Variants in CDH13 observed in about 807,000 individuals in gnomAD.
CDH13 encodes cadherin 13.
CDH13 carries 24 observed loss-of-function variants against 63.8 expected under a neutral mutation model. The observed-to-expected ratio is 0.38, with a 90% CI of 0.27 to 0.53. The LOEUF (loss-of-function observed/expected upper bound fraction) is 0.53, where lower values mean the gene tolerates loss of function less well. Ranked by LOEUF, CDH13 falls within the 20% of genes least tolerant of loss-of-function variation. The probability of loss-of-function intolerance (pLI) is 0.85; values close to 1 mark genes in which losing one functional copy is unlikely to be tolerated. For missense variants in CDH13, 1,049 were observed against 903.1 expected (o/e 1.16, Z -2.07); for synonymous variants, 503 against 355.3 (o/e 1.42, Z -4.67).
At chr16:82,790,443 A>G (rs547499357) in intron 1 of CDH13, among the ~76,000 whole-genome samples, 5 of 152,290 alleles carry the variant, frequency 3.3e-5, no homozygotes, top group African/African-American at 1.2e-4. Context: ...TCAAAAAAGA[A>G]AAACAGAAAA....
rs1317464070 is a variant in CDH13, at chr16:83,795,224, TTTAA to T, written c.*200_*203del. On this transcript the variant is annotated 3_prime_UTR_variant, in exon 14 of 14. Transcript: ENST00000567109. ...ATTTTGACAGCATCTTCCTCCCTCCTTTAATTAATGGAATCTTCTGAATTTTCCC... is the reference window on the plus strand; with the variant it reads ...ATTTTGACAGCATCTTCCTCCCTCCTTTAATGGAATCTTCTGAATTTTCCC... 5 of 536,452 alleles carry T rather than the reference TTTAA, an allele frequency of 9.3e-6. No individual in the cohort carries two copies. The highest frequency in any genetic ancestry group is 1.9e-5 in the African/African-American group (1 of 52,368). The allele number at this position is 536,452 out of a possible 1,614,324, so 33.2% of individuals were successfully genotyped here.
chr16:83,065,330 T>C (rs1043934817), intron 3 of CDH13, among the ~76,000 whole-genome samples: 1 of 152,170 alleles, frequency 6.6e-6, no homozygotes, highest in Admixed American at 6.5e-5. Context: ...TGATCAGCTA[T>C]GTTGAATGCT....
At chr16:83,157,969 G>A (rs1004802586) in intron 4 of CDH13, among the ~76,000 whole-genome samples, 1 of 151,950 alleles carries the variant, frequency 6.6e-6, no homozygotes, top group Non-Finnish European at 1.5e-5. Context: ...AGCTTCCTCA[G>A]ATTGTTCTAG....
At chr16:83,511,385 C>T (rs907232540) in intron 7 of CDH13, among the ~76,000 whole-genome samples, 2 of 151,924 alleles carry the variant, frequency 1.3e-5, no homozygotes, top group African/African-American at 4.8e-5. Context: ...TTGCTTGAAC[C>T]AGGGAGGCCA....
At chr16:82,869,075 C>G (rs1240839332) in intron 2 of CDH13, among the ~76,000 whole-genome samples, 2 of 152,272 alleles carry the variant, frequency 1.3e-5, no homozygotes, top group South Asian at 2.1e-4. Flanking sequence ...GAGATGGAGT[C>G]TCTCCCTGTT....
chr16:83,718,190 T>C (rs1027916348), intron 10 of CDH13, among the ~76,000 whole-genome samples: 2 of 152,136 alleles, frequency 1.3e-5, no homozygotes, highest in African/African-American at 4.8e-5. Flanking sequence ...ACACTCTGCA[T>C]TGTCCATCCA....
At chr16:83,224,794 C>T (rs2039794556) in intron 5 of CDH13, among the ~76,000 whole-genome samples, 1 of 152,176 alleles carries the variant, frequency 6.6e-6, no homozygotes, top group African/African-American at 2.4e-5. Flanking sequence ...AGTATCATCT[C>T]CTAACAGTGT....
intron 1 of CDH13, among the ~76,000 whole-genome samples, chr16:82,818,007 A>C (rs959081986): frequency 2.0e-5 from 3 of 152,198 alleles, no homozygotes; most frequent in Admixed American, 2.0e-4. Context: ...AGGTATACAC[A>C]TGTATAGAGT....
At chr16:82,638,200 C>G (rs987157615) in intron 1 of CDH13, among the ~76,000 whole-genome samples, 1 of 152,130 alleles carries the variant, frequency 6.6e-6, no homozygotes, top group Non-Finnish European at 1.5e-5. Context: ...CAGAGGTGAA[C>G]ACGACAGTCC....
chr16:83,557,829 T>C (rs2075633085), intron 7 of CDH13, among the ~76,000 whole-genome samples: 1 of 151,872 alleles, frequency 6.6e-6, no homozygotes. Flanking sequence ...TGACTTAGAG[T>C]GAGTAGAGAG....
intron 7 of CDH13, among the ~76,000 whole-genome samples, chr16:83,542,947 C>G (rs1280456311): frequency 1.3e-5 from 2 of 152,272 alleles, no homozygotes; most frequent in Admixed American, 6.5e-5. Flanking sequence ...TCAACATAAG[C>G]TTTTTGAGGG....
At chr16:83,178,283 C>T (rs1366135199) in intron 4 of CDH13, among the ~76,000 whole-genome samples, 1 of 152,036 alleles carries the variant, frequency 6.6e-6, no homozygotes, top group Non-Finnish European at 1.5e-5. Context: ...TACCAGCAGC[C>T]CTCCTCCGCC....
At chr16:83,415,627 C>A (rs935746183) in intron 6 of CDH13, among the ~76,000 whole-genome samples, 3 of 152,152 alleles carry the variant, frequency 2.0e-5, no homozygotes, top group African/African-American at 7.2e-5. Context: ...CAATGTGATA[C>A]ACCACATTAG....
intron 1 of CDH13, among the ~76,000 whole-genome samples, chr16:82,795,796 T>G (rs4783277): frequency 0.6 from 91,213 of 151,848 alleles, 28,055 homozygotes; most frequent in Non-Finnish European, 0.66. Context: ...TCTTTGCCAG[T>G]TTGTCTTGGG....
At chr16:82,877,097 C>T (rs1204046286) in intron 2 of CDH13, among the ~76,000 whole-genome samples, 1 of 152,170 alleles carries the variant, frequency 6.6e-6, no homozygotes, top group African/African-American at 2.4e-5. Context: ...AGCAACATTC[C>T]AGAAGATGGA....
intron 1 of CDH13, among the ~76,000 whole-genome samples, chr16:82,746,383 G>A (rs1317300488): frequency 6.6e-6 from 1 of 151,978 alleles, no homozygotes; most frequent in Non-Finnish European, 1.5e-5. Context: ...AGGCAAACCT[G>A]AGATGCTTTT....
At chr16:83,237,818 A>G (rs1904277066) in intron 5 of CDH13, among the ~76,000 whole-genome samples, 1 of 152,230 alleles carries the variant, frequency 6.6e-6, no homozygotes, top group African/African-American at 2.4e-5. Context: ...ATAGCATATG[A>G]AGTACGTGGA....
intron 3 of CDH13, among the ~76,000 whole-genome samples, chr16:83,068,900 G>A (rs1201685855): frequency 2.0e-5 from 3 of 152,126 alleles, no homozygotes; most frequent in African/African-American, 7.2e-5. Flanking sequence ...ATGGTCTTTT[G>A]CATTATGACA....
chr16:83,636,525 G>A (rs1935672834), intron 8 of CDH13, among the ~76,000 whole-genome samples: 1 of 152,140 alleles, frequency 6.6e-6, no homozygotes. Context: ...TTCGGACTGA[G>A]AACCTGCAGT....
Sources: gnomAD v4.1 joint callset for allele counts (sites outside exome capture counted in the v4.1 genomes callset) on GRCh38, gnomAD v4.1.1 for gene constraint, MANE v1.5 for transcripts, NCBI Gene and HGNC (gene_info 2026-07-23, HGNC 2026-07-21) for gene names.